Variants in FANCD2 observed in about 807,000 individuals in gnomAD.
The protein encoded by FANCD2 is Fanconi anemia group D2 protein.
A neutral mutation model predicts 192.3 loss-of-function variants in FANCD2; 131 were observed. That is an observed-to-expected ratio of 0.68 (90% CI 0.59 to 0.79). FANCD2 has a LOEUF of 0.79. FANCD2 is among the 30% of genes least tolerant of loss of function. The pLI is 0.00. For synonymous variants in FANCD2, 524 were observed against 612.5 expected, an observed-to-expected ratio of 0.86 and a Z score of 2.13; for missense variants, 1,508 against 1,701.6, an observed-to-expected ratio of 0.89 and a Z score of 2.00.
intron 2 of FANCD2, among the ~76,000 whole-genome samples, chr3:10,030,879 A>T (rs957401745): frequency 2.0e-5 from 3 of 151,282 alleles, no homozygotes; most frequent in African/African-American, 7.4e-5. Context: ...CAGCCGGGGC[A>T]ACAGAGCAAG....
At chr3:10,072,842 A>G in intron 26 of FANCD2, 29 bp from the exon 27 acceptor site, 8 of 1,219,182 alleles carry the variant, frequency 6.6e-6, no homozygotes, top group South Asian at 1.2e-5. Context: ...ATTGGTACAC[A>G]TTGAGCTTCA....
rs377609776 is a variant in FANCD2, at chr3:10,051,368, G to A, written c.1546-1019G>A. Among the ~76,000 whole-genome samples, 340 of 120,158 alleles carry A rather than the reference G, an allele frequency of 2.8e-3. 7 individuals are homozygous for A. In the South Asian group the frequency reaches 0.041, roughly 15 times the overall value. 78.8% of individuals were successfully genotyped at this position (120,158 alleles called of 152,430 possible). ...TGCACTCCAGCCTGGGCGACAGAGC[G>A]AGACTCCGTCTCAAAAAAAAAAAAA... On this transcript the variant is annotated intron_variant, in intron 17 of 43. Transcript: ENST00000675286.
At position 10,078,077 on chromosome 3, in the gene FANCD2, A is replaced by G; in HGVS notation, c.2860-4A>G. On this transcript the variant is annotated splice_region_variant and splice_polypyrimidine_tract_variant and intron_variant, in intron 29 of 43. Coordinates refer to ENST00000675286, the MANE Select transcript of FANCD2 (RefSeq NM_001018115.3). ...TGGAACTAATCCTTTCCTCCATGTG[A>G]CAGGCTACAGAAGTTGTGCAACTTG... is the stretch of plus-strand genomic sequence containing the variant. 6.3e-7 allele frequency: 1 copy of G among 1,588,090 alleles called. No homozygotes were observed. Among genetic ancestry groups the G allele is most frequent in the Non-Finnish European group, 8.6e-7 (1 of 1,156,514 alleles).
chr3:10,067,825 A>G (rs1488657750), intron 26 of FANCD2, among the ~76,000 whole-genome samples: 1 of 152,146 alleles, frequency 6.6e-6, no homozygotes, highest in Non-Finnish European at 1.5e-5. Flanking sequence ...AAGATTATTC[A>G]TCATGGCCAA....
chr3:10,035,158 CTT>C lies in FANCD2; in HGVS notation c.378-6_378-5del, dbSNP rs55973240. The C allele has an allele frequency of 0.19, 278,155 of 1,433,924 alleles. 27,271 individuals carry two copies. Among genetic ancestry groups the C allele is most frequent in the African/African-American group, 0.44 (31,634 of 72,448 alleles). 88.8% of individuals were successfully genotyped at this position (1,433,924 alleles called of 1,614,324 possible). On this transcript the variant is annotated splice_polypyrimidine_tract_variant and intron_variant, in intron 5 of 43. Coordinates refer to ENST00000675286, the MANE Select transcript of FANCD2 (RefSeq NM_001018115.3). The stretch of plus-strand genomic sequence containing the variant: ...GGAAAGCAAAGTGGAAAACAGATTT[CTT>C]TTTTTTTTACAGTATGGGTGCATCT...
Position 10,087,189 on chromosome 3 carries a change from G to A in FANCD2, c.3391G>A (p.Ala1131Thr), listed in dbSNP as rs2125072563. The A allele has an allele frequency of 6.2e-7, 1 of 1,612,898 alleles. No homozygotes were observed. The highest frequency in any genetic ancestry group is 8.5e-7 in the Non-Finnish European group (1 of 1,179,694). Residue 1131 changes from alanine (A) to threonine (T), a missense_variant, in exon 34 of 44, where the codon GCT (alanine) becomes ACT (threonine). Ala to Thr is a moderately conservative substitution (Grantham distance 58, BLOSUM62 0). Around this residue, in one of 5 missense-constraint regions of FANCD2, gnomAD observed 796 missense variants for 879.4 expected, o/e 0.91. Transcript: ENST00000675286. ...TCAAAGCATTCCCAGTTTCCAGTGT[G>A]CTCTTTATCTCATCAGACTTTTGAT... The part of the protein sequence containing the change: ...FHQSIPSFQC[A>T]LYLIRLLMVI...
At chr3:10,061,459 C>T (rs2087565634) in intron 19 of FANCD2, among the ~76,000 whole-genome samples, 1 of 152,144 alleles carries the variant, frequency 6.6e-6, no homozygotes, top group Non-Finnish European at 1.5e-5. Context: ...ACTGGTTGCC[C>T]AGGGTCAGAT....
At chr3:10,081,257 A>T in intron 31 of FANCD2, 29 bp downstream of exon 31, 2 of 1,614,012 alleles carry the variant, frequency 1.2e-6, no homozygotes, top group Non-Finnish European at 1.7e-6. Flanking sequence ...GAAGCTGCTA[A>T]GCAAATATGA....
At chr3:10,100,519 C>T (rs933368842) in intron 43 of FANCD2, among the ~76,000 whole-genome samples, 2 of 152,116 alleles carry the variant, frequency 1.3e-5, no homozygotes, top group Non-Finnish European at 2.9e-5. Flanking sequence ...TTACAGGTGC[C>T]TGCAACCATG....
At chr3:10,084,138 C>T (rs1254827707) in intron 32 of FANCD2, among the ~76,000 whole-genome samples, 2 of 151,662 alleles carry the variant, frequency 1.3e-5, no homozygotes, top group East Asian at 2.0e-4. Context: ...AGATTACATG[C>T]GCCTGCCACT....
intron 26 of FANCD2, among the ~76,000 whole-genome samples, chr3:10,070,594 C>A (rs750519670): frequency 6.5e-5 from 9 of 137,502 alleles, no homozygotes; most frequent in African/African-American, 2.6e-4. Flanking sequence ...AGTGAGGAGC[C>A]CCTCTGCCCG....
chr3:10,064,401 G>T lies in FANCD2; in HGVS notation c.1993G>T (p.Val665Leu), dbSNP rs774405864. The change falls in exon 22 of 44, where the codon GTA (valine) becomes TTA (leucine). Residue 665 changes from valine (V) to leucine (L), a missense_variant. Coordinates refer to ENST00000675286, the MANE Select transcript of FANCD2 (RefSeq NM_001018115.3). ...TICNDFQDAF[V>L]VDSCVVPEGD... Reference sequence around the variant, plus strand: ...CTGTAATGATTTCCAGGATGCCTTCGTAGTGGACTCCTGTGTTGTTCCGGA... The same window carrying T: ...CTGTAATGATTTCCAGGATGCCTTCTTAGTGGACTCCTGTGTTGTTCCGGA... 1.2e-6 allele frequency: 2 copies of T among 1,613,780 alleles called. No individual in the cohort carries two copies. Among genetic ancestry groups the T allele is most frequent in the East Asian group, 4.5e-5 (2 of 44,886 alleles).
chr3:10,042,583 T>G lies in FANCD2; in HGVS notation c.808T>G (p.Leu270Val), dbSNP rs138587722. 49 of 1,614,118 alleles carry G rather than the reference T, an allele frequency of 3.0e-5. No homozygotes were observed. In the African/African-American group the frequency reaches 6.1e-4, roughly 20 times the overall value. Reference sequence around the variant, plus strand: ...GGTTCGCCAGTTGGTGATGGATAAGTTGTCGTCTATTAGATTGGAGGATTT... The same window carrying G: ...GGTTCGCCAGTTGGTGATGGATAAGGTGTCGTCTATTAGATTGGAGGATTT... ...LKVRQLVMDKLSSIRLEDLPV... is the reference protein window; with the variant it reads ...LKVRQLVMDKVSSIRLEDLPV... The change falls in exon 11 of 44, where the codon TTG becomes GTG. Residue 270 changes from leucine (L) to valine (V), a missense_variant. Physicochemically the swap from Leu to Val is conservative, Grantham distance 32. Transcript: ENST00000675286.
intron 28 of FANCD2, among the ~76,000 whole-genome samples, chr3:10,074,048 C>T (rs1307594118): frequency 1.3e-5 from 2 of 152,118 alleles, no homozygotes; most frequent in African/African-American, 4.8e-5. Context: ...CGGGTTCAAG[C>T]GATTCTCCTG....
chr3:10,038,931 CT>C (rs1025659677), intron 7 of FANCD2, among the ~76,000 whole-genome samples: 7 of 152,056 alleles, frequency 4.6e-5, no homozygotes, highest in Non-Finnish European at 1.0e-4. Context: ...AGTGTCTTAC[CT>C]TTTAAAAATA....
chr3:10,043,676 A>G (rs947431769), intron 13 of FANCD2, 84 bp downstream of exon 13: 1 of 1,360,520 alleles, frequency 7.4e-7, no homozygotes, highest in African/African-American at 1.4e-5. Context: ...ACTGAAATAA[A>G]AATCTCAAAA....
In FANCD2 at chr3:10,087,281, C is replaced by CT. The variant is rs371321981; in HGVS notation, c.3466+36dup. ...AAAAAATTGGTGATGGGCCTAGATC[C>CT]TTTTTTTTTTTTTTTTTTTAATGAA... On this transcript the variant is annotated intron_variant, in intron 34 of 43. Coordinates refer to ENST00000675286, the MANE Select transcript of FANCD2 (RefSeq NM_001018115.3). The CT allele has an allele frequency of 0.057, 73,785 of 1,298,662 alleles. 183 individuals carry two copies. The highest frequency in any genetic ancestry group is 0.068 in the South Asian group (4,804 of 70,222). 80.4% of individuals were successfully genotyped at this position (1,298,662 alleles called of 1,614,324 possible).
intron 30 of FANCD2, among the ~76,000 whole-genome samples, chr3:10,080,830 A>G (rs945711421): frequency 1.3e-5 from 2 of 152,148 alleles, no homozygotes; most frequent in African/African-American, 4.8e-5. Context: ...AATGATTTCT[A>G]CTTTTATGTG....
chr3:10,036,387 G>T, intron 7 of FANCD2, 48 bp downstream of exon 7: 4 of 1,371,226 alleles, frequency 2.9e-6, no homozygotes, highest in Non-Finnish European at 4.2e-6. Flanking sequence ...ATGTACTTAA[G>T]TTCTCTCTGA....
Sources: allele counts gnomAD v4.1 joint callset (sites outside exome capture counted in the v4.1 genomes callset), GRCh38; gene constraint gnomAD v4.1.1; regional missense constraint gnomAD v4.1.1; transcripts MANE v1.5; gene names NCBI Gene and HGNC (gene_info 2026-07-23, HGNC 2026-07-21).